ZDHHC11B: variants seen among roughly 807,000 people sequenced by gnomAD.
The protein encoded by ZDHHC11B is probable palmitoyltransferase ZDHHC11B.
In ZDHHC11B, 17 loss-of-function variants were observed where a neutral mutation model predicts 42.3. That is an observed-to-expected ratio of 0.40 (90% CI 0.27 to 0.60). ZDHHC11B has a LOEUF of 0.60. Among genes scored for constraint, ZDHHC11B ranks in the 20% least tolerant of loss-of-function variants. The pLI, the probability that ZDHHC11B is intolerant of heterozygous loss-of-function variation, is 0.41. For missense variants in ZDHHC11B, 262 were observed against 463.2 expected (o/e 0.57, Z 3.99); for synonymous variants, 123 against 193.5 (o/e 0.64, Z 3.02).
chr5:726,505 AGACTT>A (rs1336462838), intron 12 of ZDHHC11B, among the ~76,000 whole-genome samples: 1 of 138,470 alleles, frequency 7.2e-6, no homozygotes, highest in Non-Finnish European at 1.6e-5. Flanking sequence ...CCTGTGGAGA[AGACTT>A]GAATGAAATG....
chr5:719,662 G>A (rs1407424155), intron 12 of ZDHHC11B, among the ~76,000 whole-genome samples: 2 of 151,078 alleles, frequency 1.3e-5, no homozygotes, highest in African/African-American at 4.9e-5. Context: ...GATAAACAGA[G>A]CTTGAAAGGT....
chr5:780,317 C>T (rs553653207), intron 1 of ZDHHC11B, among the ~76,000 whole-genome samples: 8 of 150,632 alleles, frequency 5.3e-5, no homozygotes, highest in Non-Finnish European at 1.2e-4. Context: ...TCCCTAGTTG[C>T]CAAGAAAGGG....
chr5:775,309 T>TG (rs1469168558), intron 1 of ZDHHC11B, among the ~76,000 whole-genome samples: 3 of 151,836 alleles, frequency 2.0e-5, no homozygotes, highest in African/African-American at 7.3e-5. Context: ...GTGCCCATGG[T>TG]GGGACAGTTG....
At chr5:741,329 C>T (rs1193007780) in intron 10 of ZDHHC11B, among the ~76,000 whole-genome samples, 2 of 149,208 alleles carry the variant, frequency 1.3e-5, no homozygotes, top group African/African-American at 4.9e-5. Flanking sequence ...ATAAGCGGGT[C>T]GTACTCTTGT....
At chr5:739,999 C>A (rs1190856244) in intron 10 of ZDHHC11B, among the ~76,000 whole-genome samples, 2 of 152,024 alleles carry the variant, frequency 1.3e-5, no homozygotes, top group African/African-American at 4.8e-5. Context: ...GAGTTGCAGA[C>A]CATTATTCTA....
chr5:737,049 A>G (rs1394489834), intron 10 of ZDHHC11B, among the ~76,000 whole-genome samples: 1 of 148,974 alleles, frequency 6.7e-6, no homozygotes, highest in African/African-American at 2.5e-5. Context: ...TGAAAACACA[A>G]ACAAAATTGA....
At chr5:736,292 C>T (rs1472778719) in intron 10 of ZDHHC11B, among the ~76,000 whole-genome samples, 1 of 149,784 alleles carries the variant, frequency 6.7e-6, no homozygotes, top group African/African-American at 2.5e-5. Context: ...TATATATGCA[C>T]CTAACGAGGA....
At chr5:723,082 C>T (rs1313126892) in intron 12 of ZDHHC11B, among the ~76,000 whole-genome samples, 2 of 136,362 alleles carry the variant, frequency 1.5e-5, no homozygotes, top group African/African-American at 2.9e-5. Context: ...GGAATGGGGG[C>T]CCCATCAACA....
rs1745087642 is a variant in ZDHHC11B, at chr5:748,235, T to C, written c.784+169A>G. On this transcript the variant is annotated intron_variant, in intron 8 of 13. Transcript: ENST00000508859. ...TGATTTGCCCTTTTTGTCCATGATC[T>C]CACTTCTGGGAGAGGCTGACCCTGA... 1.1e-5 allele frequency: 7 copies of C among 634,746 alleles called. 3 individuals carry two copies. The Admixed American group carries it at 1.9e-4, about 17-fold the overall frequency. The allele number at this position is 634,746 out of a possible 1,614,324, so 39.3% of individuals were successfully genotyped here. A position where few individuals can be genotyped will look rare whatever the true frequency, so the allele number is the denominator to read the frequency against.
chr5:773,667 G>C (rs7704350), intron 1 of ZDHHC11B, among the ~76,000 whole-genome samples: 87,951 of 148,392 alleles, frequency 0.59, 22,289 homozygotes, highest in Middle Eastern at 0.65. Flanking sequence ...GCCCTGCCCC[G>C]ACCCAGGTGC....
At chr5:770,167 G>T (rs1382913361) in intron 1 of ZDHHC11B, among the ~76,000 whole-genome samples, 1 of 150,556 alleles carries the variant, frequency 6.6e-6, no homozygotes, top group African/African-American at 2.4e-5. Context: ...TGTCCCAGCT[G>T]AGCCGGGTGC....
chr5:777,565 C>A (rs969308152), intron 1 of ZDHHC11B, among the ~76,000 whole-genome samples: 1 of 151,954 alleles, frequency 6.6e-6, no homozygotes, highest in East Asian at 1.9e-4. Flanking sequence ...CAGGGCGTTC[C>A]GGCTACCCGC....
chr5:718,695 C>CAA (rs34009409), intron 12 of ZDHHC11B, among the ~76,000 whole-genome samples: 11,390 of 115,964 alleles, frequency 0.098, 527 homozygotes, highest in East Asian at 0.24. Context: ...GACTCTGTCT[C>CAA]AAAAAAAAAA....
chr5:777,562 T>C (rs374642366), intron 1 of ZDHHC11B, among the ~76,000 whole-genome samples: 14 of 152,062 alleles, frequency 9.2e-5, no homozygotes, highest in East Asian at 5.8e-4. Flanking sequence ...CGGCAGGGCG[T>C]TCCGGCTACC....
intron 8 of ZDHHC11B, among the ~76,000 whole-genome samples, chr5:745,581 T>C (rs1744704155): frequency 1.3e-5 from 2 of 149,800 alleles, no homozygotes; most frequent in Non-Finnish European, 3.0e-5. Flanking sequence ...TTGAGCTGCA[T>C]TGTTAGTGGT....
chr5:748,486 C>A lies in ZDHHC11B; in HGVS notation c.702G>T (p.Val234=). The change falls in exon 8 of 14, where the codon GTG becomes GTT. Residue 234 remains valine, a synonymous_variant. Transcript: ENST00000508859. The stretch of plus-strand genomic sequence containing the variant: ...GCAGGAGCACGAGCATCCTGATGAT[C>A]ACGACTATCAGAGTCTGCACCTGCA... ...FPVQVQTLIV[V]IIRMLVLLLD... The A allele has an allele frequency of 2.2e-6, 3 of 1,364,224 alleles. 1 individual carries two copies. Among genetic ancestry groups the A allele is most frequent in the Non-Finnish European group, 2.9e-6 (3 of 1,024,472 alleles). 84.5% of individuals were successfully genotyped at this position (1,364,224 alleles called of 1,614,324 possible). A position where few individuals can be genotyped will look rare whatever the true frequency, so the allele number is the denominator to read the frequency against.
chr5:717,844 T>A (rs376286550), intron 12 of ZDHHC11B, among the ~76,000 whole-genome samples: 2 of 151,702 alleles, frequency 1.3e-5, no homozygotes, highest in Non-Finnish European at 2.9e-5. Flanking sequence ...ATGGGGTGAT[T>A]AGCTGGGGGA....
intron 13 of ZDHHC11B, among the ~76,000 whole-genome samples, 190 bp from the exon 14 acceptor site, chr5:712,472 C>G (rs1741442975): frequency 1.4e-5 from 2 of 139,628 alleles, no homozygotes. Context: ...TGAGAGTCCT[C>G]CCGAGCCAGG....
intron 8 of ZDHHC11B, among the ~76,000 whole-genome samples, chr5:745,890 C>A (rs1744748599): frequency 6.7e-6 from 1 of 149,646 alleles, no homozygotes; most frequent in Non-Finnish European, 1.5e-5. Context: ...GCCCCAGGCC[C>A]AGGAGGTGAA....
Sources: gnomAD v4.1 joint callset for allele counts (sites outside exome capture counted in the v4.1 genomes callset) on GRCh38, gnomAD v4.1.1 for gene constraint, MANE v1.5 for transcripts, NCBI Gene and HGNC (gene_info 2026-07-23, HGNC 2026-07-21) for gene names.